DENND5B: variants seen among roughly 807,000 people sequenced by gnomAD.
DENND5B encodes DENN domain-containing protein 5B.
DENND5B carries 34 observed loss-of-function variants against 140.6 expected under a neutral mutation model. That is an observed-to-expected ratio of 0.24 (90% CI 0.18 to 0.32). The LOEUF is 0.32. Among genes scored for constraint, DENND5B ranks in the 10% least tolerant of loss-of-function variants. The pLI is 1.00. For missense variants in DENND5B, 1,142 were observed against 1,560.2 expected, an observed-to-expected ratio of 0.73 and a Z score of 4.52; for synonymous variants, 551 against 562.1, an observed-to-expected ratio of 0.98 and a Z score of 0.28.
intron 3 of DENND5B, among the ~76,000 whole-genome samples, chr12:31,470,088 C>CA (rs200766812): frequency 0.016 from 2,436 of 148,332 alleles, 36 homozygotes; most frequent in Non-Finnish European, 0.027. Flanking sequence ...GCTGGGACTA[C>CA]AGGCATACAC....
intron 1 of DENND5B, among the ~76,000 whole-genome samples, chr12:31,585,374 A>G (rs1420931424): frequency 1.3e-5 from 2 of 152,212 alleles, no homozygotes; most frequent in Non-Finnish European, 2.9e-5. Context: ...CACAGTATCA[A>G]TGGTATTTGG....
In DENND5B at chr12:31,387,143, C is replaced by G. The variant is rs1419314881; in HGVS notation, c.*460G>C. ...ATCCACAATACAAAGGATCAGACTC[C>G]AAGATGGATGGCTACTACATAACAA... On this transcript the variant is annotated 3_prime_UTR_variant, in exon 21 of 21. Coordinates refer to ENST00000389082, the MANE Select transcript of DENND5B (RefSeq NM_144973.4). The G allele has an allele frequency of 2.0e-5, 3 of 153,226 alleles. No homozygotes were observed. Among genetic ancestry groups the G allele is most frequent in the African/African-American group, 7.3e-5 (3 of 41,368 alleles). 9.5% of individuals were successfully genotyped at this position (153,226 alleles called of 1,614,324 possible). A position where few individuals can be genotyped will look rare whatever the true frequency, so the allele number is the denominator to read the frequency against.
intron 1 of DENND5B, among the ~76,000 whole-genome samples, chr12:31,521,269 T>C (rs1947871101): frequency 6.6e-6 from 1 of 152,086 alleles, no homozygotes; most frequent in Non-Finnish European, 1.5e-5. Context: ...CTGTACATTC[T>C]GTGGGGTGTG....
intron 1 of DENND5B, among the ~76,000 whole-genome samples, chr12:31,557,126 G>A (rs956558532): frequency 1.3e-5 from 2 of 152,062 alleles, no homozygotes; most frequent in African/African-American, 4.8e-5. Context: ...GGTTAAGACA[G>A]CATCCATAAT....
chr12:31,393,750 C>G (rs111401291), intron 17 of DENND5B, among the ~76,000 whole-genome samples: 1,714 of 152,200 alleles, frequency 0.011, 19 homozygotes, highest in East Asian at 0.031. Context: ...TGCAGTGGTG[C>G]AATGTCGGCT....
intron 1 of DENND5B, among the ~76,000 whole-genome samples, chr12:31,563,882 T>G (rs903561366): frequency 1.3e-5 from 2 of 152,164 alleles, no homozygotes; most frequent in African/African-American, 4.8e-5. Context: ...TTTGGGAGGC[T>G]GAGGTGAGTG....
intron 1 of DENND5B, chr12:31,541,063 TG>T (rs1444081438): frequency 4.6e-6 from 2 of 439,064 alleles, no homozygotes; most frequent in South Asian, 3.3e-5. Flanking sequence ...CAAATGAAAA[TG>T]GGTTAAAAAC....
At chr12:31,485,044 G>A (rs1946242093) in intron 2 of DENND5B, among the ~76,000 whole-genome samples, 1 of 152,146 alleles carries the variant, frequency 6.6e-6, no homozygotes, top group African/African-American at 2.4e-5. Flanking sequence ...TTGGTGGCCT[G>A]CTGCTGGTTT....
rs34647315 is a variant in DENND5B, at chr12:31,514,955, C to CA, written c.128-19037dup. On this transcript the variant is annotated intron_variant, in intron 1 of 20. Transcript: ENST00000389082. ...CAACATATCAAGACCTTTTTCTCTA[C>CA]AAAAAAAAAAATTTTTTTTTAATTA... Among the ~76,000 whole-genome samples, 202 of 148,630 alleles carry CA rather than the reference C, an allele frequency of 1.4e-3. 1 individual carries two copies. The highest frequency in any genetic ancestry group is 7.9e-3 in the South Asian group (37 of 4,684).
chr12:31,488,442 T>C (rs1344004295), intron 2 of DENND5B, among the ~76,000 whole-genome samples: 3 of 152,206 alleles, frequency 2.0e-5, no homozygotes, highest in Non-Finnish European at 4.4e-5. Flanking sequence ...TAAGGGTTTG[T>C]AGCTTTCTTG....
chr12:31,504,163 T>C (rs1275511112), intron 1 of DENND5B, among the ~76,000 whole-genome samples: 1 of 152,250 alleles, frequency 6.6e-6, no homozygotes, highest in Admixed American at 6.5e-5. Context: ...GTTTGGACTT[T>C]AAAGTCTACT....
intron 4 of DENND5B, among the ~76,000 whole-genome samples, chr12:31,454,197 CAAT>C (rs1039788377): frequency 1.3e-5 from 2 of 149,636 alleles, no homozygotes; most frequent in Non-Finnish European, 3.0e-5. Context: ...AGATGATCAA[CAAT>C]GATTCCTAAA....
At chr12:31,478,007 TA>T in intron 3 of DENND5B, 1 of 181,422 alleles carries the variant, frequency 5.5e-6, no homozygotes. Flanking sequence ...AGCTTCAGAT[TA>T]AAAAATGGAT....
At chr12:31,582,189 T>G (rs1024466814) in intron 1 of DENND5B, among the ~76,000 whole-genome samples, 3 of 152,246 alleles carry the variant, frequency 2.0e-5, no homozygotes, top group African/African-American at 4.8e-5. Context: ...GGATTAATTT[T>G]TTTTTAACAG....
intron 17 of DENND5B, among the ~76,000 whole-genome samples, chr12:31,395,525 G>A (rs149080015): frequency 1.3e-5 from 2 of 152,076 alleles, no homozygotes; most frequent in African/African-American, 2.4e-5. Context: ...CCTGGGAAGC[G>A]GAGGTTGCAG....
At chr12:31,475,101 A>C (rs917721194) in intron 3 of DENND5B, among the ~76,000 whole-genome samples, 1 of 152,184 alleles carries the variant, frequency 6.6e-6, no homozygotes, top group African/African-American at 2.4e-5. Flanking sequence ...CCCAAGCCTC[A>C]ATCTCCTCCT....
At chr12:31,429,062 CG>C (rs1565569569) in intron 8 of DENND5B, among the ~76,000 whole-genome samples, 1 of 150,908 alleles carries the variant, frequency 6.6e-6, no homozygotes, top group Non-Finnish European at 1.5e-5. Context: ...TTTTAAGAGA[CG>C]GGGTTTCATC....
chr12:31,396,961 C>T lies in DENND5B; in HGVS notation c.3256+1214G>A, dbSNP rs566913631. ...CCAGGACAATCTCCTATTTCAAGAT[C>T]CCTATCACATCTGCAAAAATCCTTT... On this transcript the variant is annotated intron_variant, in intron 17 of 20. Coordinates refer to ENST00000389082, the MANE Select transcript of DENND5B (RefSeq NM_144973.4). Among the ~76,000 whole-genome samples the T allele has an allele frequency of 7.2e-5, 11 of 152,230 alleles. No individual in the cohort carries two copies. In the South Asian group the frequency reaches 1.9e-3, roughly 26 times the overall value.
At chr12:31,403,322 C>G (rs1327100454) in intron 14 of DENND5B, among the ~76,000 whole-genome samples, 1 of 152,172 alleles carries the variant, frequency 6.6e-6, no homozygotes, top group Non-Finnish European at 1.5e-5. Flanking sequence ...TGCCCTATCA[C>G]TGTCCTTTGC....
Sources: allele counts gnomAD v4.1 joint callset (sites outside exome capture counted in the v4.1 genomes callset), GRCh38; gene constraint gnomAD v4.1.1; transcripts MANE v1.5; gene names NCBI Gene and HGNC (gene_info 2026-07-23, HGNC 2026-07-21).